Variants in NPR3 observed in about 807,000 individuals in gnomAD.
NPR3 encodes atrial natriuretic peptide receptor 3.
Under a neutral mutation model 54.5 loss-of-function variants are expected in NPR3, and 34 were observed. The ratio of observed to expected loss-of-function variants is 0.62; its 90% confidence interval spans 0.47 to 0.83. The LOEUF (loss-of-function observed/expected upper bound fraction) is 0.83. Among genes scored for constraint, NPR3 ranks in the 40% least tolerant of loss-of-function variants. The probability of loss-of-function intolerance (pLI) is 0.00; values close to 1 mark genes in which losing one functional copy is unlikely to be tolerated. For missense variants in NPR3, 674 were observed against 720.8 expected, an observed-to-expected ratio of 0.94 and a Z score of 0.74; for synonymous variants, 289 against 297.1, an observed-to-expected ratio of 0.97 and a Z score of 0.28.
At chr5:32,707,332 G>A (rs1738023177), upstream of NPR3, among the ~76,000 whole-genome samples, 1 of 151,832 alleles carries the variant, frequency 6.6e-6, no homozygotes, top group Non-Finnish European at 1.5e-5. Flanking sequence ...TTATAGTGCT[G>A]GCAAATTAAA....
chr5:32,765,913 T>C (rs1163277220), intron 3 of NPR3, among the ~76,000 whole-genome samples: 1 of 152,162 alleles, frequency 6.6e-6, no homozygotes, highest in African/African-American at 2.4e-5. Flanking sequence ...GGTGGGAAGC[T>C]GTGACCTTCC....
intron 1 of NPR3, among the ~76,000 whole-genome samples, chr5:32,703,020 G>C (rs143720762): frequency 0.012 from 1,826 of 152,288 alleles, 49 homozygotes; most frequent in African/African-American, 0.041. Flanking sequence ...CAGTGATGGT[G>C]AGCATTTTTT....
At chr5:32,728,663 T>C (rs181174129) in intron 2 of NPR3, among the ~76,000 whole-genome samples, 127 of 151,584 alleles carry the variant, frequency 8.4e-4, no homozygotes, top group Middle Eastern at 3.4e-3. Flanking sequence ...TTTCTGGAGG[T>C]AATTTTTGGA....
At chr5:32,705,888 A>G (rs1032194728), upstream of NPR3, among the ~76,000 whole-genome samples, 1 of 152,236 alleles carries the variant, frequency 6.6e-6, no homozygotes, top group Non-Finnish European at 1.5e-5. Context: ...TGGGTGCCAA[A>G]ACTGTTGCAG....
At chr5:32,771,778 C>A (rs770801968) in intron 3 of NPR3, among the ~76,000 whole-genome samples, 5 of 152,152 alleles carry the variant, frequency 3.3e-5, no homozygotes, top group Non-Finnish European at 7.4e-5. Context: ...GAACAGAATG[C>A]GGGAAGACTG....
At chr5:32,734,013 G>A (rs1450602212) in intron 2 of NPR3, among the ~76,000 whole-genome samples, 1 of 152,186 alleles carries the variant, frequency 6.6e-6, no homozygotes, top group African/African-American at 2.4e-5. Context: ...GTAAAATAGG[G>A]ATTATACTTA....
At chr5:32,783,053 A>C (rs754474386) in intron 6 of NPR3, 25 bp downstream of exon 6, 4 of 1,583,262 alleles carry the variant, frequency 2.5e-6, no homozygotes, top group Admixed American at 1.8e-5. Context: ...TTAATTTGCT[A>C]TGTATGTCAT....
chr5:32,719,330 C>T (rs1418729753), intron 1 of NPR3, among the ~76,000 whole-genome samples: 1 of 152,078 alleles, frequency 6.6e-6, no homozygotes, highest in African/African-American at 2.4e-5. Context: ...TGGACCACAT[C>T]CTCCAAGAGC....
chr5:32,697,707 G>A (rs1321488190), intron 1 of NPR3, among the ~76,000 whole-genome samples: 1 of 151,978 alleles, frequency 6.6e-6, no homozygotes, highest in African/African-American at 2.4e-5. Context: ...TTTCTTCATG[G>A]TTCAATCTTG....
In NPR3 at chr5:32,712,155, A is replaced by G. The variant is rs1738281969; in HGVS notation, c.379A>G (p.Lys127Glu). The G allele has an allele frequency of 4.3e-6, 7 of 1,613,372 alleles. No individual in the cohort carries two copies. The highest frequency in any genetic ancestry group is 5.1e-6 in the Non-Finnish European group (6 of 1,179,784). ...VDRVAAARGA[K>E]PDLILGPVCE... ...CCGCGTGGCGGCGGCGCGGGGCGCC[A>G]AGCCAGACCTTATCCTGGGGCCAGT... The change falls in exon 1 of 8, where the codon AAG becomes GAG. Residue 127 changes from lysine (K) to glutamate (E), a missense_variant. By Grantham distance (56) the Lys-to-Glu change is moderately conservative. Transcript: ENST00000265074.
Position 32,789,391 on chromosome 5 carries a change from C to T in NPR3, c.*3046C>T. ...GAGTCCATCTCTCCCTCAAGACTGA[C>T]CACAGGTTTCATGAGAAGGTCCCTG... On this transcript the variant is annotated 3_prime_UTR_variant, in exon 8 of 8. Coordinates refer to ENST00000265074, the MANE Select transcript of NPR3 (RefSeq NM_001204375.2). 2.0e-6 allele frequency: 1 copy of T among 505,096 alleles called. No homozygotes were observed. The allele number at this position is 505,096 out of a possible 1,614,324, so 31.3% of individuals were successfully genotyped here.
intron 2 of NPR3, among the ~76,000 whole-genome samples, chr5:32,728,833 G>GTA (rs1299474754): frequency 1.6e-3 from 103 of 64,018 alleles, no homozygotes; most frequent in African/African-American, 2.2e-3. Flanking sequence ...GTGTGTGTGT[G>GTA]TGTGTATATA....
chr5:32,776,311 C>G (rs1162237686), intron 4 of NPR3, among the ~76,000 whole-genome samples: 2 of 152,204 alleles, frequency 1.3e-5, no homozygotes, highest in Non-Finnish European at 2.9e-5. Context: ...TTTAACCAAT[C>G]TCCTATTGAT....
intron 3 of NPR3, among the ~76,000 whole-genome samples, chr5:32,756,848 T>C (rs1389531493): frequency 1.3e-5 from 2 of 152,262 alleles, no homozygotes; most frequent in Admixed American, 1.3e-4. Context: ...CAGCACCATT[T>C]ATTAAATAGG....
rs966585126 is a variant in NPR3 at position 32,786,969 on chromosome 5, G to A, written c.*624G>A. The A allele has an allele frequency of 2.0e-5, 3 of 152,228 alleles. No individual in the cohort carries two copies. Among genetic ancestry groups the A allele is most frequent in the Non-Finnish European group, 4.4e-5 (3 of 67,982 alleles). The allele number at this position is 152,228 out of a possible 1,614,324, so 9.4% of individuals were successfully genotyped here. The stretch of plus-strand genomic sequence containing the variant: ...CTACTCTGGATTGTTGTAAATATTA[G>A]TGAGATGGGAGGATTTACAGAAGAA... On this transcript the variant is annotated 3_prime_UTR_variant, in exon 8 of 8. Coordinates refer to ENST00000265074, the MANE Select transcript of NPR3 (RefSeq NM_001204375.2).
chr5:32,754,481 C>T (rs955712432), intron 3 of NPR3, among the ~76,000 whole-genome samples: 2 of 152,088 alleles, frequency 1.3e-5, no homozygotes, highest in African/African-American at 4.8e-5. Flanking sequence ...AAGTGATATC[C>T]TTTCTGGGGT....
intron 2 of NPR3, among the ~76,000 whole-genome samples, chr5:32,736,230 CAA>C (rs56211529): frequency 5.7e-4 from 37 of 65,376 alleles, no homozygotes; most frequent in Middle Eastern, 7.1e-3. Flanking sequence ...CACTCTGTCT[CAA>C]AAAAAAAAAA....
At chr5:32,728,837 GTA>G (rs70961659) in intron 2 of NPR3, among the ~76,000 whole-genome samples, 4,756 of 47,912 alleles carry the variant, frequency 0.099, 174 homozygotes, top group Non-Finnish European at 0.13. Flanking sequence ...GTGTGTGTGT[GTA>G]TATATATATA....
intron 1 of NPR3, among the ~76,000 whole-genome samples, chr5:32,691,783 C>A (rs984992313): frequency 3.9e-5 from 6 of 152,156 alleles, no homozygotes; most frequent in Admixed American, 3.9e-4. Context: ...GCAGTTTCTA[C>A]TAACAGGGAA....
Sources: allele counts gnomAD v4.1 joint callset (sites outside exome capture counted in the v4.1 genomes callset), GRCh38; gene constraint gnomAD v4.1.1; transcripts MANE v1.5; gene names NCBI Gene and HGNC (gene_info 2026-07-23, HGNC 2026-07-21).